Variants in CNTN1 observed in about 807,000 individuals in gnomAD.
CNTN1 encodes contactin-1.
Under a neutral mutation model 126.4 loss-of-function variants are expected in CNTN1, and 38 were observed. That is an observed-to-expected ratio of 0.30 (90% confidence interval 0.23 to 0.39). CNTN1 has a LOEUF of 0.39. CNTN1 is among the 10% of genes least tolerant of loss of function. The probability of loss-of-function intolerance (pLI) is 1.00; values close to 1 mark genes in which losing one functional copy is unlikely to be tolerated. For missense variants in CNTN1, 1,009 were observed against 1,248.4 expected, an observed-to-expected ratio of 0.81 and a Z score of 2.89; for synonymous variants, 413 against 422.6, an observed-to-expected ratio of 0.98 and a Z score of 0.28.
At chr12:40,702,878 CATT>C (rs1488709050) in intron 1 of CNTN1, among the ~76,000 whole-genome samples, 26 of 152,154 alleles carry the variant, frequency 1.7e-4, no homozygotes, top group African/African-American at 2.4e-5. Flanking sequence ...TTATTTGTCT[CATT>C]GTTGGAACTT....
chr12:40,986,977 G>C (rs1045430444), intron 16 of CNTN1, among the ~76,000 whole-genome samples: 1 of 152,066 alleles, frequency 6.6e-6, no homozygotes, highest in African/African-American at 2.4e-5. Flanking sequence ...TTTCATCACT[G>C]TTCTACCAAT....
chr12:40,790,755 C>CT (rs946677057), intron 1 of CNTN1, among the ~76,000 whole-genome samples: 24 of 152,214 alleles, frequency 1.6e-4, no homozygotes, highest in Admixed American at 1.4e-3. Context: ...CGATGTGAAT[C>CT]TTTTTTTGTC....
intron 1 of CNTN1, among the ~76,000 whole-genome samples, chr12:40,826,183 C>T (rs1052058927): frequency 5.3e-5 from 8 of 151,900 alleles, no homozygotes; most frequent in Non-Finnish European, 1.5e-5. Context: ...TCTATATAAC[C>T]TTGTACCTAA....
At chr12:40,818,981 T>C (rs1189077006) in intron 1 of CNTN1, among the ~76,000 whole-genome samples, 2 of 152,114 alleles carry the variant, frequency 1.3e-5, no homozygotes, top group Non-Finnish European at 2.9e-5. Flanking sequence ...CTTCAGGCCT[T>C]ATTCATCTGA....
chr12:40,893,328 G>A (rs1274242525), intron 1 of CNTN1, among the ~76,000 whole-genome samples: 1 of 151,898 alleles, frequency 6.6e-6, no homozygotes, highest in Non-Finnish European at 1.5e-5. Context: ...AAAACTAAAT[G>A]TCTTTAAATT....
chr12:40,999,008 A>C (rs761851616), intron 17 of CNTN1, among the ~76,000 whole-genome samples: 11 of 152,190 alleles, frequency 7.2e-5, no homozygotes, highest in Non-Finnish European at 1.5e-4. Flanking sequence ...TCACAAGCCA[A>C]TTTGTACATT....
At chr12:40,769,396 G>A (rs1939247863) in intron 1 of CNTN1, among the ~76,000 whole-genome samples, 1 of 152,040 alleles carries the variant, frequency 6.6e-6, no homozygotes, top group African/African-American at 2.4e-5. Flanking sequence ...TAATTATTTT[G>A]GAAACAAGAG....
intron 15 of CNTN1, chr12:40,972,782 T>C (rs1947559632): frequency 2.9e-6 from 1 of 340,664 alleles, no homozygotes; most frequent in Non-Finnish European, 4.2e-6. Context: ...AACAGCACCA[T>C]GGAGACATGT....
intron 1 of CNTN1, among the ~76,000 whole-genome samples, chr12:40,791,092 C>A (rs1031987439): frequency 6.6e-6 from 1 of 152,062 alleles, no homozygotes; most frequent in Admixed American, 6.6e-5. Context: ...TTTCCGTTAG[C>A]GTTAATAACT....
At chr12:40,694,935 T>G (rs753278644) in intron 1 of CNTN1, among the ~76,000 whole-genome samples, 1 of 152,200 alleles carries the variant, frequency 6.6e-6, no homozygotes, top group Admixed American at 6.5e-5. Flanking sequence ...ACAGGGCTAC[T>G]GGTAATAATA....
intron 23 of CNTN1, among the ~76,000 whole-genome samples, chr12:41,048,389 CCT>C (rs1949592774): frequency 6.6e-6 from 1 of 152,132 alleles, no homozygotes. Flanking sequence ...GACCTTGCTT[CCT>C]ATTTCTCTGA....
At chr12:40,971,598 T>C in intron 15 of CNTN1, 1 of 1,525,490 alleles carries the variant, frequency 6.6e-7, no homozygotes, top group Non-Finnish European at 8.7e-7. Context: ...TTGTAGCTTC[T>C]GCAGTTCTCC....
chr12:40,864,644 T>C (rs929053080), intron 1 of CNTN1, among the ~76,000 whole-genome samples: 1 of 152,202 alleles, frequency 6.6e-6, no homozygotes, highest in African/African-American at 2.4e-5. Flanking sequence ...TCAAGGTTCA[T>C]TGATATTGTA....
chr12:41,020,547 A>C, intron 20 of CNTN1, 107 bp downstream of exon 20: 1 of 725,630 alleles, frequency 1.4e-6, no homozygotes, highest in South Asian at 1.7e-5. Flanking sequence ...TGTGGCAACT[A>C]ATACTTTATT....
At chr12:41,015,804 A>T (rs1361348207) in intron 18 of CNTN1, among the ~76,000 whole-genome samples, 1 of 152,188 alleles carries the variant, frequency 6.6e-6, no homozygotes, top group Admixed American at 6.5e-5. Flanking sequence ...CACTAGAAGT[A>T]GCTGTAAGTC....
intron 15 of CNTN1, 21 bp from the exon 16 acceptor site, chr12:40,980,888 T>G (rs375436396): frequency 1.2e-6 from 2 of 1,611,974 alleles, no homozygotes; most frequent in African/African-American, 2.7e-5. Context: ...CACTGATTCA[T>G]TACCCACATT....
At position 41,016,827 on chromosome 12, in the gene CNTN1, C is replaced by G. The variant is rs1173353528; in HGVS notation, c.2330C>G (p.Ser777Cys). 1 of 1,614,116 alleles carries G rather than the reference C, an allele frequency of 6.2e-7. No individual in the cohort carries two copies. The highest frequency in any genetic ancestry group is 2.2e-5 in the East Asian group (1 of 44,852). Residue 777 changes from serine to cysteine, a missense_variant, in exon 19 of 24, where the codon TCC becomes TGC. Coordinates refer to ENST00000551295, the MANE Select transcript of CNTN1 (RefSeq NM_001843.4). ...YVHKDETMSP[S>C]TAFQVKVKAF... Reference sequence around the variant, plus strand: ...CATAAAGATGAAACCATGAGCCCTTCCACTGCATTTCAAGTTAAAGTCAAG... The same window carrying G: ...CATAAAGATGAAACCATGAGCCCTTGCACTGCATTTCAAGTTAAAGTCAAG...
rs1942194107 is a variant in CNTN1, at chr12:40,720,987, A to ATG, written c.-77+28396_-77+28397insGT. On this transcript the variant is annotated intron_variant, in intron 1 of 23. Transcript: ENST00000551295. ...TATGTGTATATATGTTATAACATATATACACATATATTTATACATATATGT... is the reference window on the plus strand; with the variant it reads ...TATGTGTATATATGTTATAACATATATGTACACATATATTTATACATATATGT... Among the ~76,000 whole-genome samples, 7 of 146,206 alleles carry ATG rather than the reference A, an allele frequency of 4.8e-5. No individual in the cohort carries two copies. In the East Asian group the frequency reaches 1.4e-3, roughly 28 times the overall value.
intron 1 of CNTN1, among the ~76,000 whole-genome samples, chr12:40,719,255 C>A (rs1483802128): frequency 6.6e-6 from 1 of 152,048 alleles, no homozygotes; most frequent in Non-Finnish European, 1.5e-5. Context: ...CTAAATAAAT[C>A]AGTAATATAT....
Sources: allele counts gnomAD v4.1 joint callset (sites outside exome capture counted in the v4.1 genomes callset), GRCh38; gene constraint gnomAD v4.1.1; transcripts MANE v1.5; gene names NCBI Gene and HGNC (gene_info 2026-07-23, HGNC 2026-07-21).